Variants in ELFN2 observed in about 807,000 individuals in gnomAD.
ELFN2 encodes the protein protein phosphatase 1 regulatory subunit 29.
ELFN2 carries 17 observed loss-of-function variants against 45.5 expected under a neutral mutation model. That is an observed-to-expected ratio of 0.37 (90% confidence interval 0.26 to 0.56). The LOEUF (loss-of-function observed/expected upper bound fraction) is 0.56, where lower values mean the gene tolerates loss of function less well. ELFN2 is among the 20% of genes least tolerant of loss of function. ELFN2 has a pLI of 0.77. For missense variants in ELFN2, 922 were observed against 1,183.2 expected (o/e 0.78, Z 3.24); for synonymous variants, 550 against 551.5 (o/e 1.00, Z 0.04).
At chr22:37,365,501 G>A (rs1165089830), downstream of ELFN2, among the ~76,000 whole-genome samples, 5 of 152,178 alleles carry the variant, frequency 3.3e-5, no homozygotes, top group African/African-American at 4.8e-5. Flanking sequence ...AAGCCTGCCC[G>A]GGCTGGAGAG....
intron 2 of ELFN2, among the ~76,000 whole-genome samples, chr22:37,405,775 T>C (rs1450492302): frequency 6.6e-6 from 1 of 150,518 alleles, no homozygotes; most frequent in African/African-American, 2.5e-5. Context: ...CTGTGTGACC[T>C]TGGACAAGTC....
At chr22:37,363,592 G>A (rs1405286433), downstream of ELFN2, among the ~76,000 whole-genome samples, 1 of 152,174 alleles carries the variant, frequency 6.6e-6, no homozygotes, top group Non-Finnish European at 1.5e-5. Context: ...GGTGTCGTGG[G>A]CTTGGCGCTG....
At chr22:37,346,110 G>A (rs1041123082) in intron 1 of ELFN2, among the ~76,000 whole-genome samples, 1 of 152,232 alleles carries the variant, frequency 6.6e-6, no homozygotes, top group Admixed American at 6.5e-5. Flanking sequence ...GTTGATGTGA[G>A]AATTAAGGGA....
At chr22:37,416,212 C>T (rs1356185510) in intron 2 of ELFN2, among the ~76,000 whole-genome samples, 2 of 152,238 alleles carry the variant, frequency 1.3e-5, no homozygotes, top group Non-Finnish European at 2.9e-5. Context: ...GAATGAAATG[C>T]TGCTTCAGGA....
chr22:37,375,061 C>T lies in ELFN2; in HGVS notation c.474G>A (p.Leu158=), dbSNP rs1321710083. The T allele has an allele frequency of 1.2e-6, 2 of 1,613,560 alleles. No homozygotes were observed. The highest frequency in any genetic ancestry group is 1.1e-5 in the South Asian group (1 of 91,078). Residue 158 remains leucine (L), a synonymous_variant, in exon 3 of 3, where the codon CTG becomes CTA. Coordinates refer to ENST00000402918, the MANE Select transcript of ELFN2 (RefSeq NM_052906.5). ...CCAGGCGGCTGAGGCGGTTGGAGGA[C>T]AGGTCGATGCTGATGAGGCTCGGGC... ...SECPSLISID[L]SSNRLSRLDG...
intron 1 of ELFN2, among the ~76,000 whole-genome samples, chr22:37,426,493 C>G (rs547039066): frequency 6.6e-6 from 1 of 152,040 alleles, no homozygotes; most frequent in East Asian, 1.9e-4. Context: ...CACACACACA[C>G]GCACACACCA....
intron 1 of ELFN2, among the ~76,000 whole-genome samples, chr22:37,422,902 C>T (rs534327574): frequency 1.5e-5 from 2 of 129,628 alleles, no homozygotes; most frequent in South Asian, 2.4e-4. Context: ...ACCAAGAATT[C>T]GGTACTTTTG....
At chr22:37,367,152 G>A (rs1333399646), downstream of ELFN2, among the ~76,000 whole-genome samples, 1 of 152,264 alleles carries the variant, frequency 6.6e-6, no homozygotes, top group Non-Finnish European at 1.5e-5. Flanking sequence ...GAGAACAAGA[G>A]TCTGGGAAAA....
At chr22:37,396,353 G>A (rs1932211618) in intron 2 of ELFN2, among the ~76,000 whole-genome samples, 1 of 152,154 alleles carries the variant, frequency 6.6e-6, no homozygotes, top group African/African-American at 2.4e-5. Flanking sequence ...CATGTCCCCG[G>A]CCCCCAACAT....
At chr22:37,400,318 G>A (rs1056387794) in intron 2 of ELFN2, among the ~76,000 whole-genome samples, 3 of 151,930 alleles carry the variant, frequency 2.0e-5, no homozygotes, top group East Asian at 1.9e-4. Flanking sequence ...CCACTGACAC[G>A]GGCCTGGGGG....
At position 37,373,944 on chromosome 22, in the gene ELFN2, C is replaced by T. The variant is rs1398763827; in HGVS notation, c.1591G>A (p.Ala531Thr). Residue 531 changes from alanine to threonine, a missense_variant, in exon 3 of 3, where the codon GCT becomes ACT. Ala to Thr is a moderately conservative substitution (Grantham distance 58, BLOSUM62 0). Transcript: ENST00000402918. Reference sequence around the variant, plus strand: ...TTGGCAATGGTGGAGATCTCTGCAGCCGAGCCCTGGCCGTTCTCGAGGTCC... The same window carrying T: ...TTGGCAATGGTGGAGATCTCTGCAGTCGAGCCCTGGCCGTTCTCGAGGTCC... ...LPDLENGQGS[A>T]AEISTIAKEV... 6.2e-7 allele frequency: 1 copy of T among 1,611,876 alleles called. No homozygotes were observed. The highest frequency in any genetic ancestry group is 1.3e-5 in the African/African-American group (1 of 74,660).
chr22:37,359,173 C>A (rs1422455446), intron 1 of ELFN2, among the ~76,000 whole-genome samples: 1 of 152,126 alleles, frequency 6.6e-6, no homozygotes, highest in Non-Finnish European at 1.5e-5. Flanking sequence ...TAAGGCCACC[C>A]GGCAGGGAAT....
intron 2 of ELFN2, among the ~76,000 whole-genome samples, chr22:37,390,003 G>A (rs774314834): frequency 3.9e-5 from 6 of 152,192 alleles, no homozygotes; most frequent in Non-Finnish European, 5.9e-5. Flanking sequence ...AGGAGCCCAC[G>A]GGCCCTGGGG....
intron 2 of ELFN2, among the ~76,000 whole-genome samples, chr22:37,341,267 G>A (rs1357168556): frequency 1.3e-5 from 2 of 152,156 alleles, no homozygotes; most frequent in African/African-American, 4.8e-5. Context: ...GAGCTGAAGG[G>A]GTTCAGTCCC....
intron 2 of ELFN2, among the ~76,000 whole-genome samples, chr22:37,379,130 C>G (rs1931673797): frequency 1.3e-5 from 2 of 152,190 alleles, no homozygotes; most frequent in South Asian, 4.1e-4. Context: ...GCCGAGCAGA[C>G]AGACAGAGGA....
Position 37,351,316 on chromosome 22 carries a change from T to C in ELFN2, n.149-8613A>G, listed in dbSNP as rs568866736. 1.3e-4 allele frequency among the ~76,000 whole-genome samples: 19 copies of C among 150,214 alleles called. No individual in the cohort carries two copies. In the South Asian group the frequency reaches 4.0e-3, roughly 31 times the overall value. The stretch of plus-strand genomic sequence containing the variant: ...CAGGAGCTTCCTCTCTCCCTGTCAA[T>C]TAGACTGGCTCTGGCAGGAGGCTCA... On this transcript the variant is annotated intron_variant and non_coding_transcript_variant, in intron 1 of 2. Transcript: ENST00000452946.
In ELFN2 at chr22:37,374,419, G is replaced by A. The variant is rs748235347; in HGVS notation, c.1116C>T (p.His372=). The A allele has an allele frequency of 5.0e-6, 8 of 1,614,040 alleles. No individual in the cohort carries two copies. In the Admixed American group the frequency reaches 1.3e-4, roughly 27 times the overall value. The change falls in exon 3 of 3, where the codon CAC becomes CAT. Residue 372 remains histidine, a synonymous_variant. Transcript: ENST00000402918. The stretch of plus-strand genomic sequence containing the variant: ...CCCGCGTGGTGAAGGTCAGGCAGGT[G>A]TGGTTGAAGCGGCGGCTGTTGCGCA... ...TSLRNSRRFN[H]TCLTFTTRDP...
chr22:37,395,979 T>A (rs1339727918), intron 2 of ELFN2, among the ~76,000 whole-genome samples: 1 of 151,920 alleles, frequency 6.6e-6, no homozygotes. Flanking sequence ...AAGCTGGTGG[T>A]TAAGTGGGAG....
At chr22:37,403,411 G>GAGGGGCCA (rs534614304) in intron 2 of ELFN2, among the ~76,000 whole-genome samples, 2 of 151,978 alleles carry the variant, frequency 1.3e-5, no homozygotes, top group African/African-American at 2.4e-5. Context: ...CAAGGCGAGC[G>GAGGGGCCA]AGGGGCCGGA....
Sources: allele counts gnomAD v4.1 joint callset (sites outside exome capture counted in the v4.1 genomes callset), GRCh38; gene constraint gnomAD v4.1.1; transcripts MANE v1.5; gene names NCBI Gene and HGNC (gene_info 2026-07-23, HGNC 2026-07-21).